RBFOX1: variants seen among roughly 807,000 people sequenced by gnomAD.
RBFOX1 encodes RNA binding protein fox-1 homolog 1.
In RBFOX1, 8 loss-of-function variants were observed where a neutral mutation model predicts 57.7. The ratio of observed to expected loss-of-function variants is 0.14; its 90% CI spans 0.08 to 0.25. The LOEUF (loss-of-function observed/expected upper bound fraction) is 0.25, where lower values mean the gene tolerates loss of function less well. Ranked by LOEUF, RBFOX1 falls within the 10% of genes least tolerant of loss-of-function variation. The pLI, the probability that RBFOX1 is intolerant of heterozygous loss-of-function variation, is 1.00. For synonymous variants in RBFOX1, 326 were observed against 222.4 expected (o/e 1.47, Z -4.15); for missense variants, 611 against 548.5 (o/e 1.11, Z -1.14).
chr16:6,627,103 C>A (rs2098320376), intron 2 of RBFOX1, among the ~76,000 whole-genome samples: 1 of 152,192 alleles, frequency 6.6e-6, no homozygotes, highest in Non-Finnish European at 1.5e-5. Flanking sequence ...CCGCTGAACA[C>A]AAAGTCCTAT....
chr16:5,955,831 ACATGTTAATG>A (rs2059627787), intron 4 of RBFOX1, among the ~76,000 whole-genome samples: 1 of 152,240 alleles, frequency 6.6e-6, no homozygotes, highest in African/African-American at 2.4e-5. Context: ...AATATATATG[ACATGTTAATG>A]TAGTTACCAG....
intron 1 of RBFOX1, among the ~76,000 whole-genome samples, chr16:5,395,736 A>C (rs978059898): frequency 2.0e-5 from 3 of 152,192 alleles, no homozygotes; most frequent in Non-Finnish European, 4.4e-5. Flanking sequence ...TGTTAAATAA[A>C]ACTCCATCTT....
chr16:6,843,054 C>G (rs753506637), intron 3 of RBFOX1, among the ~76,000 whole-genome samples: 3 of 152,034 alleles, frequency 2.0e-5, no homozygotes, highest in Non-Finnish European at 2.9e-5. Flanking sequence ...GCCACGTGTT[C>G]TTTATCCTTG....
chr16:5,725,231 T>C lies in RBFOX1; in HGVS notation c.318+126270T>C, dbSNP rs1453035080. Among the ~76,000 whole-genome samples, 3 of 152,142 alleles carry C rather than the reference T, an allele frequency of 2.0e-5. No homozygotes were observed. The East Asian group carries it at 5.8e-4, about 29-fold the overall frequency. Reference sequence around the variant, plus strand: ...TGTGCCCTCTAGTCTGCGGTATCTTTTTTAAAAATTATTTTCTATTTTTTT... The same window carrying C: ...TGTGCCCTCTAGTCTGCGGTATCTTCTTTAAAAATTATTTTCTATTTTTTT... On this transcript the variant is annotated intron_variant, in intron 3 of 19. Transcript: ENST00000641259.
chr16:6,570,972 C>G (rs2097336916), intron 2 of RBFOX1, among the ~76,000 whole-genome samples: 1 of 151,962 alleles, frequency 6.6e-6, no homozygotes, highest in African/African-American at 2.4e-5. Flanking sequence ...ACCCTGTTTT[C>G]AAAATAACAT....
In RBFOX1 at chr16:6,019,519, G is replaced by A. The variant is rs2095027329; in HGVS notation, c.-600G>A. Reference sequence around the variant, plus strand: ...CCCCAGCAGCACCCGCGGTGGGGCGGGGGCGCTCTGCCAGCCCCGGGAACA... The same window carrying A: ...CCCCAGCAGCACCCGCGGTGGGGCGAGGGCGCTCTGCCAGCCCCGGGAACA... On this transcript the variant is annotated 5_prime_UTR_variant, in exon 1 of 16. Transcript: ENST00000550418. The surrounding 1 kb of genome is among the most constrained non-coding windows in gnomAD (Gnocchi z 4.2). The A allele has an allele frequency of 9.5e-7, 1 of 1,054,428 alleles. No homozygotes were observed. Among genetic ancestry groups the A allele is most frequent in the Admixed American group, 5.5e-5 (1 of 18,226 alleles). The allele number at this position is 1,054,428 out of a possible 1,614,324, so 65.3% of individuals were successfully genotyped here.
intron 2 of RBFOX1, among the ~76,000 whole-genome samples, chr16:5,541,313 G>C (rs1297908848): frequency 6.6e-6 from 1 of 152,148 alleles, no homozygotes; most frequent in Non-Finnish European, 1.5e-5. Context: ...AATTTAGAGA[G>C]TTTATTTTGT....
At chr16:6,817,140 C>A (rs2090260740) in intron 3 of RBFOX1, among the ~76,000 whole-genome samples, 1 of 152,162 alleles carries the variant, frequency 6.6e-6, no homozygotes, top group Non-Finnish European at 1.5e-5. Flanking sequence ...GACATGGCTG[C>A]AACCTGCTGA....
chr16:5,338,152 C>G (rs1331642960), intron 1 of RBFOX1, among the ~76,000 whole-genome samples: 1 of 152,038 alleles, frequency 6.6e-6, no homozygotes. Context: ...GTTACTGAGC[C>G]TTATTGAGGC....
chr16:7,195,976 C>G (rs375291915), intron 4 of RBFOX1, among the ~76,000 whole-genome samples: 2 of 151,740 alleles, frequency 1.3e-5, no homozygotes, highest in South Asian at 4.2e-4. Context: ...CTATTTGTGG[C>G]AAGATCTAAG....
intron 1 of RBFOX1, among the ~76,000 whole-genome samples, chr16:6,027,747 C>T (rs1451178806): frequency 6.6e-6 from 1 of 151,974 alleles, no homozygotes; most frequent in East Asian, 1.9e-4. Context: ...TTTCACAATC[C>T]CTTTGGGCAG....
chr16:6,622,082 G>A (rs1601790451), intron 2 of RBFOX1, among the ~76,000 whole-genome samples: 1 of 152,144 alleles, frequency 6.6e-6, no homozygotes, highest in African/African-American at 2.4e-5. Context: ...AAGGGAATAT[G>A]TATGGAATAT....
chr16:6,233,492 C>A (rs2097481706), intron 1 of RBFOX1, among the ~76,000 whole-genome samples: 1 of 152,108 alleles, frequency 6.6e-6, no homozygotes, highest in African/African-American at 2.4e-5. Context: ...ACAGGGAGTT[C>A]ACATTGCTCT....
intron 1 of RBFOX1, among the ~76,000 whole-genome samples, chr16:6,085,818 G>C (rs563934976): frequency 4.6e-5 from 7 of 152,238 alleles, no homozygotes; most frequent in African/African-American, 7.2e-5. Context: ...TAGAAGTGCT[G>C]ATTCTTTTTT....
chr16:6,937,429 G>A (rs537740684), intron 3 of RBFOX1, among the ~76,000 whole-genome samples: 3 of 152,154 alleles, frequency 2.0e-5, no homozygotes, highest in South Asian at 2.1e-4. Context: ...CTATGTGTTG[G>A]CCATTCAGAT....
chr16:5,971,767 G>A (rs1466964269), intron 4 of RBFOX1, among the ~76,000 whole-genome samples: 1 of 152,176 alleles, frequency 6.6e-6, no homozygotes, highest in Non-Finnish European at 1.5e-5. Context: ...AATTTTATGT[G>A]TCAAGCTGAC....
At chr16:7,140,730 G>C (rs1390033086) in intron 4 of RBFOX1, among the ~76,000 whole-genome samples, 1 of 152,166 alleles carries the variant, frequency 6.6e-6, no homozygotes, top group African/African-American at 2.4e-5. Context: ...CTGGGAGTGA[G>C]AGACGGAGAC....
chr16:7,702,541 G>C (rs1050691499), intron 14 of RBFOX1, among the ~76,000 whole-genome samples: 1 of 152,194 alleles, frequency 6.6e-6, no homozygotes, highest in East Asian at 1.9e-4. Flanking sequence ...GATTGACAAC[G>C]GATTCATTTA....
chr16:5,987,149 C>G (rs1266721395), intron 4 of RBFOX1, among the ~76,000 whole-genome samples: 2 of 152,188 alleles, frequency 1.3e-5, no homozygotes, highest in Non-Finnish European at 2.9e-5. Flanking sequence ...TTCTTATGTT[C>G]TCATTTACCA....
Sources: gnomAD v4.1 joint callset for allele counts (sites outside exome capture counted in the v4.1 genomes callset) on GRCh38, gnomAD v4.1.1 for gene constraint, Gnocchi (gnomAD v3.1) non-coding constraint, MANE v1.5 for transcripts, NCBI Gene and HGNC (gene_info 2026-07-23, HGNC 2026-07-21) for gene names.